The following NAV3 variants were observed in gnomAD, a reference collection of about 807,000 sequenced individuals.
The protein encoded by NAV3 is pore membrane and/or filament interacting like protein 1.
NAV3 carries 87 observed loss-of-function variants against 244.7 expected under a neutral mutation model. The observed-to-expected ratio is 0.36, with a 90% confidence interval of 0.30 to 0.42. The LOEUF (loss-of-function observed/expected upper bound fraction) is 0.42, where lower values mean the gene tolerates loss of function less well. Among genes scored for constraint, NAV3 ranks in the 20% least tolerant of loss-of-function variants. The pLI is 1.00. For synonymous variants in NAV3, 1,126 were observed against 1,042.2 expected, an observed-to-expected ratio of 1.08 and a Z score of -1.55; for missense variants, 2,663 against 2,893.3, an observed-to-expected ratio of 0.92 and a Z score of 1.83.
At chr12:77,694,263 G>C (rs1169861170) in intron 2 of NAV3, among the ~76,000 whole-genome samples, 2 of 151,530 alleles carry the variant, frequency 1.3e-5, no homozygotes, top group South Asian at 4.2e-4. Flanking sequence ...TCAGGAGATG[G>C]AGACCATCCT....
intron 5 of NAV3, among the ~76,000 whole-genome samples, chr12:77,984,459 C>A (rs1459681824): frequency 1.3e-5 from 2 of 149,296 alleles, no homozygotes; most frequent in South Asian, 2.1e-4. Context: ...TACAGTGCCT[C>A]CAGAGACTGT....
At position 77,614,902 on chromosome 12, in the gene NAV3, G is replaced by T. The variant is rs376272747; in HGVS notation, c.72+42636G>T. On this transcript the variant is annotated intron_variant, in intron 2 of 8. Transcript: ENST00000550042. ...TATCATCAAGGATGTGCTCCTTCAG[G>T]AGAGCAGCTACTAATCCTGAATGGA... is the stretch of plus-strand genomic sequence containing the variant. Among the ~76,000 whole-genome samples the T allele has an allele frequency of 1.4e-4, 22 of 152,240 alleles. No individual in the cohort carries two copies. In the East Asian group the frequency reaches 2.1e-3, roughly 15 times the overall value.
chr12:78,104,662 G>A (rs2138274393), intron 12 of NAV3, among the ~76,000 whole-genome samples: 1 of 152,254 alleles, frequency 6.6e-6, no homozygotes, highest in African/African-American at 2.4e-5. Context: ...AGTTTCGCTA[G>A]CTACATTTTT....
At chr12:77,952,945 A>G (rs1891037590) in intron 3 of NAV3, among the ~76,000 whole-genome samples, 1 of 152,132 alleles carries the variant, frequency 6.6e-6, no homozygotes, top group Admixed American at 6.6e-5. Context: ...GAAGAGTTTA[A>G]TAACTTTATA....
intron 1 of NAV3, among the ~76,000 whole-genome samples, chr12:77,892,387 AG>A (rs1884038863): frequency 6.6e-6 from 1 of 151,530 alleles, no homozygotes; most frequent in Non-Finnish European, 1.5e-5. Flanking sequence ...AAATTCATAG[AG>A]GGGGCAAGCC....
At chr12:78,037,922 C>G (rs59908096) in intron 9 of NAV3, among the ~76,000 whole-genome samples, 36 of 152,184 alleles carry the variant, frequency 2.4e-4, no homozygotes, top group South Asian at 1.2e-3. Flanking sequence ...ATACAGGGGC[C>G]GCTGCTGGCT....
rs1390952620 is a variant in NAV3 at position 77,718,702 on chromosome 12, G to A, written c.72+146436G>A. Among the ~76,000 whole-genome samples, 3 of 152,154 alleles carry A rather than the reference G, an allele frequency of 2.0e-5. No homozygotes were observed. In the East Asian group the frequency reaches 5.8e-4, roughly 29 times the overall value. ...GACAGAGTTTTGCTTTTGGTGCCCA[G>A]GCTGAAGTGGGATGGCATGATCTCG... is the stretch of plus-strand genomic sequence containing the variant. On this transcript the variant is annotated intron_variant, in intron 2 of 8. Transcript: ENST00000550042.
At chr12:77,791,573 T>A (rs1871176683) in intron 2 of NAV3, among the ~76,000 whole-genome samples, 1 of 152,118 alleles carries the variant, frequency 6.6e-6, no homozygotes, top group African/African-American at 2.4e-5. Context: ...ATAGGTGCTA[T>A]CTTTTTTCCT....
At chr12:77,860,041 T>C (rs1044730299) in intron 1 of NAV3, among the ~76,000 whole-genome samples, 5 of 151,834 alleles carry the variant, frequency 3.3e-5, no homozygotes, top group Non-Finnish European at 5.9e-5. Context: ...TATGAACTGA[T>C]AATGAAATAG....
intron 6 of NAV3, among the ~76,000 whole-genome samples, chr12:77,997,237 C>CAAAA (rs139557569): frequency 1.1e-4 from 9 of 78,718 alleles, no homozygotes; most frequent in African/African-American, 1.9e-4. Flanking sequence ...CACCCTGTCT[C>CAAAA]AAAAAAAAAA....
chr12:78,192,095 TATCTATCC>T (rs1405240843), intron 34 of NAV3, among the ~76,000 whole-genome samples: 4 of 152,172 alleles, frequency 2.6e-5, no homozygotes, highest in African/African-American at 9.6e-5. Context: ...TCTATCTGTC[TATCTATCC>T]ATCTATCTAT....
intron 5 of NAV3, among the ~76,000 whole-genome samples, chr12:77,974,277 G>A (rs1443631671): frequency 2.0e-5 from 3 of 151,354 alleles, no homozygotes; most frequent in Admixed American, 6.6e-5. Flanking sequence ...CAGTATTTTT[G>A]TTGTTTTGTT....
intron 2 of NAV3, among the ~76,000 whole-genome samples, chr12:77,583,672 ATATATGATACTAAGAG>A (rs1869470052): frequency 1.3e-5 from 2 of 152,206 alleles, no homozygotes; most frequent in Admixed American, 6.5e-5. Context: ...GTTTGACTAA[ATATATGATACTAAGAG>A]TATATGTGGA....
chr12:78,121,830 G>C, intron 15 of NAV3, 110 bp from the exon 16 acceptor site: 2 of 1,358,224 alleles, frequency 1.5e-6, no homozygotes, highest in South Asian at 2.8e-5. Context: ...GAAGTGCTTT[G>C]TAGTTCAGTA....
rs143281131 is a variant in NAV3, at chr12:78,207,223, C to T, written c.7038+2085C>T. ...TCCACTATTTAGTGTCAGAAATCCC[C>T]ATAGCAATGAGTGTAGCAAAGAAAC... On this transcript the variant is annotated intron_variant, in intron 39 of 39. Transcript: ENST00000397909. Among the ~76,000 whole-genome samples the T allele has an allele frequency of 6.7e-3, 1,023 of 152,172 alleles. 7 individuals carry two copies. The highest frequency in any genetic ancestry group is 9.5e-3 in the Non-Finnish European group (649 of 68,008).
At chr12:77,881,708 G>GGTAA (rs1349377246) in intron 1 of NAV3, among the ~76,000 whole-genome samples, 2 of 152,010 alleles carry the variant, frequency 1.3e-5, no homozygotes, top group African/African-American at 4.8e-5. Flanking sequence ...TCCTAGAACT[G>GGTAA]GTAAGTGACT....
chr12:77,877,855 C>T (rs1045075702), intron 1 of NAV3, among the ~76,000 whole-genome samples: 1 of 152,098 alleles, frequency 6.6e-6, no homozygotes, highest in Non-Finnish European at 1.5e-5. Flanking sequence ...TTGACAAACA[C>T]TGTGCCAGCC....
At chr12:78,130,790 A>G (rs556469107) in intron 18 of NAV3, 2 of 157,866 alleles carry the variant, frequency 1.3e-5, no homozygotes, top group South Asian at 1.9e-4. Flanking sequence ...TCACAACTCC[A>G]TTCTTCTCCC....
At chr12:77,589,747 G>A (rs1236547533) in intron 2 of NAV3, among the ~76,000 whole-genome samples, 1 of 152,230 alleles carries the variant, frequency 6.6e-6, no homozygotes, top group Non-Finnish European at 1.5e-5. Flanking sequence ...TGAGATCTGT[G>A]TGGGGACACA....
Sources: allele counts gnomAD v4.1 joint callset (sites outside exome capture counted in the v4.1 genomes callset), GRCh38; gene constraint gnomAD v4.1.1; transcripts MANE v1.5; gene names NCBI Gene and HGNC (gene_info 2026-07-23, HGNC 2026-07-21).